Variants in LINGO2 observed in about 807,000 individuals in gnomAD.
LINGO2 encodes the protein leucine rich repeat and Ig domain containing 2.
In LINGO2, 14 loss-of-function variants were observed where a neutral mutation model predicts 30.6. That is an observed-to-expected ratio of 0.46 (90% CI 0.30 to 0.72). The LOEUF (loss-of-function observed/expected upper bound fraction) is 0.72. Among genes scored for constraint, LINGO2 ranks in the 30% least tolerant of loss-of-function variants. LINGO2 has a pLI of 0.07. For missense variants in LINGO2, 729 were observed against 751.7 expected (o/e 0.97, Z 0.35); for synonymous variants, 317 against 288.5 (o/e 1.10, Z -1.00).
the LINGO2 span, among the ~76,000 whole-genome samples, chr9:28,847,140 G>A: frequency 1.3e-5 from 2 of 148,204 alleles, no homozygotes; most frequent in Admixed American, 1.3e-4. Flanking sequence ...GATGGCTGTT[G>A]AGCAATGATG....
At chr9:28,118,876 A>G (rs1435894154) in intron 4 of LINGO2, among the ~76,000 whole-genome samples, 1 of 152,146 alleles carries the variant, frequency 6.6e-6, no homozygotes, top group Non-Finnish European at 1.5e-5. Context: ...GCAACAAAGA[A>G]GTCTGTGGGT....
chr9:28,990,566 T>A, the LINGO2 span, among the ~76,000 whole-genome samples: 1 of 152,194 alleles, frequency 6.6e-6, no homozygotes, highest in Non-Finnish European at 1.5e-5. Flanking sequence ...AGTGGCTCCC[T>A]GACCCCTGAC....
At chr9:29,183,246 T>G in the LINGO2 span, among the ~76,000 whole-genome samples, 2 of 152,140 alleles carry the variant, frequency 1.3e-5, no homozygotes, top group African/African-American at 4.8e-5. Context: ...AGCTAAGAAA[T>G]TATTTACCCA....
chr9:29,081,194 C>T, the LINGO2 span, among the ~76,000 whole-genome samples: 23 of 152,104 alleles, frequency 1.5e-4, no homozygotes, highest in Non-Finnish European at 2.4e-4. Flanking sequence ...ACTGGCAAAC[C>T]GAATCCAGCA....
the LINGO2 span, among the ~76,000 whole-genome samples, chr9:28,836,945 C>T: frequency 6.6e-6 from 1 of 152,132 alleles, no homozygotes; most frequent in Non-Finnish European, 1.5e-5. Flanking sequence ...AGTAGTAGCC[C>T]TAACATTGGG....
intron 4 of LINGO2, among the ~76,000 whole-genome samples, chr9:28,258,093 T>C (rs1216251184): frequency 1.3e-5 from 2 of 151,982 alleles, no homozygotes; most frequent in South Asian, 2.1e-4. Context: ...ACCTCTTTGC[T>C]AATAAATGAT....
chr9:29,019,784 C>T, the LINGO2 span, among the ~76,000 whole-genome samples: 40 of 152,208 alleles, frequency 2.6e-4, no homozygotes, highest in Middle Eastern at 6.8e-3. Flanking sequence ...AAATGGCATA[C>T]AGACATATTT....
chr9:28,536,776 A>G (rs1427133758), intron 1 of LINGO2, among the ~76,000 whole-genome samples: 1 of 152,146 alleles, frequency 6.6e-6, no homozygotes, highest in Non-Finnish European at 1.5e-5. Flanking sequence ...GACATTTGAT[A>G]CTATGTAACT....
At chr9:28,698,242 C>T in the LINGO2 span, among the ~76,000 whole-genome samples, 1 of 152,018 alleles carries the variant, frequency 6.6e-6, no homozygotes, top group African/African-American at 2.4e-5. Flanking sequence ...TGCATCATGG[C>T]TCTTTTATTT....
At chr9:28,340,201 T>G (rs7865773) in intron 3 of LINGO2, among the ~76,000 whole-genome samples, 2,131 of 152,316 alleles carry the variant, frequency 0.014, 47 homozygotes, top group African/African-American at 0.049. Context: ...TATCTGGGTC[T>G]CAGTTTCTTT....
At chr9:29,056,372 T>C in the LINGO2 span, among the ~76,000 whole-genome samples, 1 of 152,318 alleles carries the variant, frequency 6.6e-6, no homozygotes, top group South Asian at 2.1e-4. Flanking sequence ...TTTCACATAT[T>C]TGTTGGCCAT....
chr9:28,018,782 T>C (rs1822967674), intron 4 of LINGO2, among the ~76,000 whole-genome samples: 1 of 152,142 alleles, frequency 6.6e-6, no homozygotes, highest in Non-Finnish European at 1.5e-5. Context: ...AACAGTGTGG[T>C]GATTTCTCAA....
At chr9:28,119,432 A>C (rs1377585633) in intron 4 of LINGO2, among the ~76,000 whole-genome samples, 2 of 152,216 alleles carry the variant, frequency 1.3e-5, no homozygotes, top group Non-Finnish European at 2.9e-5. Context: ...TGCTTAACAA[A>C]CATATATACT....
chr9:28,118,411 G>A (rs886893085), intron 4 of LINGO2, among the ~76,000 whole-genome samples: 1 of 152,114 alleles, frequency 6.6e-6, no homozygotes, highest in Non-Finnish European at 1.5e-5. Context: ...AATAATGCCA[G>A]GTTTTCATCA....
At chr9:28,199,500 G>C (rs1302520171) in intron 4 of LINGO2, among the ~76,000 whole-genome samples, 2 of 151,864 alleles carry the variant, frequency 1.3e-5, no homozygotes, top group Non-Finnish European at 2.9e-5. Flanking sequence ...CACCACGCTC[G>C]GCTAATTTTT....
the LINGO2 span, among the ~76,000 whole-genome samples, chr9:28,894,951 TTCC>T: frequency 6.6e-6 from 1 of 152,100 alleles, no homozygotes; most frequent in Admixed American, 6.6e-5. Context: ...TGTAAACTTA[TTCC>T]TCCTAACTGA....
chr9:28,294,887 C>G (rs748485243), intron 4 of LINGO2, among the ~76,000 whole-genome samples: 7 of 152,086 alleles, frequency 4.6e-5, no homozygotes, highest in Non-Finnish European at 8.8e-5. Context: ...CTCTAATGCA[C>G]CTTCAAAAGT....
At chr9:27,988,818 C>T (rs1587625337) in intron 5 of LINGO2, among the ~76,000 whole-genome samples, 2 of 151,940 alleles carry the variant, frequency 1.3e-5, no homozygotes, top group East Asian at 3.9e-4. Context: ...TTGCTCAGAG[C>T]AGGTCAGCAG....
intron 1 of LINGO2, among the ~76,000 whole-genome samples, chr9:28,629,888 C>A (rs1283176345): frequency 2.0e-5 from 3 of 151,982 alleles, no homozygotes; most frequent in Non-Finnish European, 2.9e-5. Context: ...TTTCATCTAG[C>A]ATTAGGTATA....
Sources: gnomAD v4.1 joint callset for allele counts (sites outside exome capture counted in the v4.1 genomes callset) on GRCh38, gnomAD v4.1.1 for gene constraint, MANE v1.5 for transcripts, NCBI Gene and HGNC (gene_info 2026-07-23, HGNC 2026-07-21) for gene names.